The following MTAP variants were observed in gnomAD, a reference collection of about 807,000 sequenced individuals.
MTAP encodes the protein S-methyl-5'-thioadenosine phosphorylase.
In MTAP, 33 loss-of-function variants were observed where a neutral mutation model predicts 33.6. The observed-to-expected ratio is 0.98, with a 90% confidence interval of 0.74 to 1.31. The LOEUF (loss-of-function observed/expected upper bound fraction) is 1.31, where lower values mean the gene tolerates loss of function less well. Ranked by LOEUF, MTAP falls within the 40% of genes most tolerant of loss-of-function variation. MTAP has a pLI of 0.00. For synonymous variants in MTAP, 148 were observed against 125.7 expected (o/e 1.18, Z -1.19); for missense variants, 367 against 360.0 (o/e 1.02, Z -0.16).
At chr9:21,818,920 C>G (rs1824556952) in intron 4 of MTAP, among the ~76,000 whole-genome samples, 2 of 152,178 alleles carry the variant, frequency 1.3e-5, no homozygotes, top group Admixed American at 1.3e-4. Context: ...AACGTCTCCC[C>G]AAACCCCAGC....
At chr9:21,844,921 A>C (rs1423494745) in intron 5 of MTAP, among the ~76,000 whole-genome samples, 1 of 151,948 alleles carries the variant, frequency 6.6e-6, no homozygotes, top group African/African-American at 2.4e-5. Flanking sequence ...AGTCCCAGCT[A>C]CTCGGGAGGC....
chr9:21,846,272 A>T (rs1436606277), intron 5 of MTAP, among the ~76,000 whole-genome samples: 1 of 152,234 alleles, frequency 6.6e-6, no homozygotes, highest in Admixed American at 6.5e-5. Context: ...AGCTTAATTC[A>T]TCTAAAATGC....
In MTAP at chr9:21,883,688, C is replaced by CA. The variant is rs201069262; in HGVS notation, c.147+28828dup. 3.0e-3 allele frequency among the ~76,000 whole-genome samples: 435 copies of CA among 146,520 alleles called. 1 individual carries two copies. Among genetic ancestry groups the CA allele is most frequent in the African/African-American group, 7.5e-3 (299 of 39,962 alleles). ...GAACGTGTGTTTGGCCACTAGATAGCAAAAAAAAAATCTGCTGATGTAGCC... is the reference window on the plus strand; with the variant it reads ...GAACGTGTGTTTGGCCACTAGATAGCAAAAAAAAAAATCTGCTGATGTAGCC... On this transcript the variant is annotated intron_variant, in intron 1 of 1. Transcript: ENST00000577563.
At chr9:21,915,000 T>TTTCCTTCCTTCCTTCCTTCC (rs367599453) in intron 1 of MTAP, among the ~76,000 whole-genome samples, 385 of 83,622 alleles carry the variant, frequency 4.6e-3, no homozygotes, top group East Asian at 0.012. Flanking sequence ...CTTTGTTTTC[T>TTTCCTTCCTTCCTTCCTTCC]TTCCTTCCTT....
intron 5 of MTAP, among the ~76,000 whole-genome samples, chr9:21,845,685 G>T (rs1028115480): frequency 6.6e-6 from 1 of 151,418 alleles, no homozygotes; most frequent in Non-Finnish European, 1.5e-5. Context: ...TCATATTTCT[G>T]CCAAAAGCAA....
intron 7 of MTAP, 123 bp downstream of exon 7, chr9:21,859,548 T>C: frequency 8.7e-7 from 1 of 1,153,772 alleles, no homozygotes; most frequent in South Asian, 1.8e-5. Flanking sequence ...CAACAAGTTT[T>C]TGTGACATCT....
intron 4 of MTAP, among the ~76,000 whole-genome samples, chr9:21,820,057 C>A (rs1051314031): frequency 3.3e-5 from 5 of 152,066 alleles, no homozygotes; most frequent in South Asian, 2.1e-4. Context: ...TAGTCAGATG[C>A]GTAGGTTGCA....
At chr9:21,925,049 C>A (rs879325294) in intron 1 of MTAP, among the ~76,000 whole-genome samples, 2 of 152,200 alleles carry the variant, frequency 1.3e-5, no homozygotes, top group Non-Finnish European at 2.9e-5. Context: ...GGTGGCTACC[C>A]TGTATGGGCC....
intron 1 of MTAP, chr9:21,893,862 A>AC (rs2118760863): frequency 6.6e-6 from 1 of 152,150 alleles, no homozygotes; most frequent in South Asian, 2.1e-4. Flanking sequence ...CTATTCAAAA[A>AC]AAAAAAAATC....
At position 21,903,748 on chromosome 9, in the gene MTAP, C is replaced by A. The variant is rs369029948; in HGVS notation, c.148-27260C>A. Among the ~76,000 whole-genome samples, 231 of 152,268 alleles carry A rather than the reference C, an allele frequency of 1.5e-3. 12 individuals are homozygous for A. In the South Asian group the frequency reaches 0.048, roughly 31 times the overall value. ...GAGTGGCTCGCTGCTGCTCAAACCT[C>A]TAGGGAAGCATACAGATGGGCAGGT... On this transcript the variant is annotated intron_variant, in intron 1 of 1. Coordinates refer to the MTAP transcript ENST00000577563.
chr9:21,935,539 C>T (rs1006673024), downstream of MTAP: 1 of 151,872 alleles, frequency 6.6e-6, no homozygotes, highest in South Asian at 2.1e-4. Flanking sequence ...GGGTCACATC[C>T]CCTGGGCATG....
At chr9:21,904,885 A>G (rs1456555744) in intron 1 of MTAP, among the ~76,000 whole-genome samples, 1 of 152,186 alleles carries the variant, frequency 6.6e-6, no homozygotes, top group African/African-American at 2.4e-5. Context: ...CTTAGTGAAT[A>G]TGAAATGGGA....
intron 5 of MTAP, among the ~76,000 whole-genome samples, chr9:21,844,049 T>C (rs140943610): frequency 1.2e-3 from 177 of 152,212 alleles, no homozygotes; most frequent in African/African-American, 4.1e-3. Context: ...ACAGGAGATA[T>C]TACAACCAAT....
chr9:21,832,986 G>A (rs1825010961), intron 4 of MTAP, among the ~76,000 whole-genome samples: 1 of 152,216 alleles, frequency 6.6e-6, no homozygotes, highest in Non-Finnish European at 1.5e-5. Flanking sequence ...TTATTTTTGT[G>A]CTATTGTTTA....
intron 1 of MTAP, among the ~76,000 whole-genome samples, chr9:21,812,615 A>T (rs1325941882): frequency 6.6e-6 from 1 of 152,168 alleles, no homozygotes; most frequent in African/African-American, 2.4e-5. Context: ...TTGTTTCCTG[A>T]GGGTGGATGA....
At chr9:21,825,173 C>T (rs904468406) in intron 4 of MTAP, among the ~76,000 whole-genome samples, 1 of 152,176 alleles carries the variant, frequency 6.6e-6, no homozygotes, top group African/African-American at 2.4e-5. Flanking sequence ...ATACAGAAAT[C>T]ACCTGTCTTC....
chr9:21,825,926 A>G (rs1240846248), intron 4 of MTAP, among the ~76,000 whole-genome samples: 1 of 149,254 alleles, frequency 6.7e-6, no homozygotes, highest in Non-Finnish European at 1.5e-5. Context: ...GCTGTTGTCC[A>G]TTTATGTGTC....
In MTAP at chr9:21,903,904, C is replaced by T. The variant is rs185806995; in HGVS notation, c.148-27104C>T. The stretch of plus-strand genomic sequence containing the variant: ...GGCGGCTTGTGTTAGCTCAAGTAGA[C>T]CCCCTTTCTTATCACAAGGACAGAG... On this transcript the variant is annotated intron_variant, in intron 1 of 1. Coordinates refer to the MTAP transcript ENST00000577563. 6.4e-4 allele frequency among the ~76,000 whole-genome samples: 98 copies of T among 152,254 alleles called. 1 individual carries two copies. The Middle Eastern group carries it at 0.014, about 21-fold the overall frequency.
intron 1 of MTAP, among the ~76,000 whole-genome samples, chr9:21,876,217 GT>G (rs576851775): frequency 2.2e-4 from 33 of 150,038 alleles, no homozygotes; most frequent in African/African-American, 6.1e-4. Context: ...TTTAAATGGG[GT>G]TTTTTTTTCT....
Sources: allele counts gnomAD v4.1 joint callset (sites outside exome capture counted in the v4.1 genomes callset), GRCh38; gene constraint gnomAD v4.1.1; transcripts MANE v1.5; gene names NCBI Gene and HGNC (gene_info 2026-07-23, HGNC 2026-07-21).